KRT32: variants seen among roughly 807,000 people sequenced by gnomAD.
The protein encoded by KRT32 is keratin 32.
A neutral mutation model predicts 41.8 loss-of-function variants in KRT32; 44 were observed. That is an observed-to-expected ratio of 1.05 (90% CI 0.83 to 1.35). KRT32 has a LOEUF of 1.35. Ranked by LOEUF, KRT32 falls within the 40% of genes most tolerant of loss-of-function variation. The probability of loss-of-function intolerance (pLI) is 0.00; values close to 1 mark genes in which losing one functional copy is unlikely to be tolerated. For synonymous variants in KRT32, 238 were observed against 242.5 expected (o/e 0.98, Z 0.17); for missense variants, 576 against 584.6 (o/e 0.99, Z 0.15).
intron 1 of KRT32, 110 bp downstream of exon 1, chr17:41,466,748 A>T: frequency 1.3e-6 from 1 of 742,670 alleles, no homozygotes; most frequent in East Asian, 2.6e-5. Flanking sequence ...GCCCTAGGGA[A>T]GTCTCTTTGT....
chr17:41,466,084 C>CT lies in KRT32; in HGVS notation c.551+9dup. On this transcript the variant is annotated intron_variant, in intron 2 of 6. Transcript: ENST00000225899. ...GTCCTCCCCAGCTCCAGCCCCCCGA[C>CT]TGAACTCACTTGGCCCTGAAGTCAT... The CT allele has an allele frequency of 1.2e-6, 2 of 1,614,014 alleles. No homozygotes were observed. Among genetic ancestry groups the CT allele is most frequent in the Non-Finnish European group, 1.7e-6 (2 of 1,179,888 alleles).
At chr17:41,466,282 G>A in intron 1 of KRT32, 106 bp from the exon 2 acceptor site, 2 of 842,990 alleles carry the variant, frequency 2.4e-6, no homozygotes, top group East Asian at 2.6e-5. Context: ...CAGCCCTGCA[G>A]CCATCCCTGC....
chr17:41,464,179 C>T lies in KRT32; in HGVS notation c.895G>A (p.Ala299Thr), dbSNP rs772651872. The change falls in exon 5 of 7, where the codon GCC becomes ACC. Residue 299 changes from alanine (A) to threonine (T), a missense_variant. Ala to Thr is a moderately conservative substitution (Grantham distance 58). Coordinates refer to ENST00000225899, the MANE Select transcript of KRT32 (RefSeq NM_002278.3). ...MQMEELNQQV[A>T]TSSEQLQNYQ... ...TTCTGAAGCTGCTCAGAGCTTGTGG[C>T]CACCTGTTGGTTAAGCTCCTCCATC... The T allele has an allele frequency of 1.1e-5, 17 of 1,610,138 alleles. No homozygotes were observed. Among genetic ancestry groups the T allele is most frequent in the Admixed American group, 5.0e-5 (3 of 59,598 alleles).
rs1287041167 is a variant in KRT32 at position 41,459,926 on chromosome 17, A to G, written c.*184T>C. On this transcript the variant is annotated 3_prime_UTR_variant, in exon 7 of 7. Coordinates refer to ENST00000225899, the MANE Select transcript of KRT32 (RefSeq NM_002278.3). ...AGAGAACAGTTCACCCATGGAAAAA[A>G]GAGGCAGTTTTGAAGTGATGAGGGC... is the stretch of plus-strand genomic sequence containing the variant. The G allele has an allele frequency of 1.8e-5, 10 of 553,786 alleles. No homozygotes were observed. The East Asian group carries it at 3.5e-4, about 19-fold the overall frequency. The allele number at this position is 553,786 out of a possible 1,614,324, so 34.3% of individuals were successfully genotyped here.
Position 41,465,629 on chromosome 17 carries a change from C to G in KRT32, c.708+144G>C, listed in dbSNP as rs1203108969. 3 of 722,244 alleles carry G rather than the reference C, an allele frequency of 4.2e-6. No homozygotes were observed. The East Asian group carries it at 8.1e-5, about 20-fold the overall frequency. The allele number at this position is 722,244 out of a possible 1,614,324, so 44.7% of individuals were successfully genotyped here. On this transcript the variant is annotated intron_variant, in intron 3 of 6. Transcript: ENST00000225899. ...TCCCCATTTTACAGAAGAGGAGGCTCAGGAAGATTCCATAAATTGGGCAAA... is the reference window on the plus strand; with the variant it reads ...TCCCCATTTTACAGAAGAGGAGGCTGAGGAAGATTCCATAAATTGGGCAAA...
chr17:41,460,212 A>C lies in KRT32; in HGVS notation c.1245T>G (p.Pro415=), dbSNP rs1344154397. 1 of 1,608,248 alleles carries C rather than the reference A, an allele frequency of 6.2e-7. No individual in the cohort carries two copies. Among genetic ancestry groups the C allele is most frequent in the Non-Finnish European group, 8.5e-7 (1 of 1,177,216 alleles). The part of the protein sequence containing the change: ...CKLPCNPCST[P]SCTTCVPSPC... ...GGGAGGGCACACAGGTGGTGCAGGA[A>C]GGAGTGGAGCATGGGTTACAGGGCA... Residue 415 remains proline, a synonymous_variant, in exon 7 of 7, where the codon CCT becomes CCG. Transcript: ENST00000225899.
At chr17:41,464,522 T>C in intron 3 of KRT32, 79 bp from the exon 4 acceptor site, 1 of 1,373,310 alleles carries the variant, frequency 7.3e-7, no homozygotes, top group South Asian at 1.5e-5. Context: ...CATGAAAAGA[T>C]GCAACAAAAG....
In KRT32 at chr17:41,462,997, C is replaced by T; in HGVS notation, c.1050G>A (p.Gln350=). ...LTESEARYSS[Q]LAQMQCMITN... is the part of the protein sequence containing the mutation. The stretch of plus-strand genomic sequence containing the variant: ...TGATCATGCACTGCATCTGGGCCAG[C>T]TGGGAGCTGTAGCGGGCCTCACTCT... Residue 350 remains glutamine (Q), a synonymous_variant, in exon 6 of 7, where the codon CAG becomes CAA. Coordinates refer to ENST00000225899, the MANE Select transcript of KRT32 (RefSeq NM_002278.3). The T allele has an allele frequency of 6.2e-7, 1 of 1,614,134 alleles. No homozygotes were observed. Among genetic ancestry groups the T allele is most frequent in the Non-Finnish European group, 8.5e-7 (1 of 1,179,986 alleles).
chr17:41,464,814 C>T (rs75582904), intron 3 of KRT32, among the ~76,000 whole-genome samples: 3,169 of 152,250 alleles, frequency 0.021, 118 homozygotes, highest in African/African-American at 0.071. Context: ...GTTAAAGGCC[C>T]GAGTTAGGGC....
chr17:41,464,999 A>G (rs2019050955), intron 3 of KRT32, among the ~76,000 whole-genome samples: 1 of 152,240 alleles, frequency 6.6e-6, no homozygotes, highest in South Asian at 2.1e-4. Flanking sequence ...TTGTTACTTT[A>G]CACTTAAGCC....
intron 3 of KRT32, 27 bp downstream of exon 3, chr17:41,465,746 C>G: frequency 6.3e-7 from 1 of 1,594,208 alleles, no homozygotes; most frequent in South Asian, 1.1e-5. Flanking sequence ...CTTCCCGGGG[C>G]CACTTCAGCG....
Position 41,464,361 on chromosome 17 carries a change from A to C in KRT32, c.791T>G (p.Val264Gly). 1 of 1,612,536 alleles carries C rather than the reference A, an allele frequency of 6.2e-7. No individual in the cohort carries two copies. The highest frequency in any genetic ancestry group is 8.5e-7 in the Non-Finnish European group (1 of 1,179,156). The stretch of plus-strand genomic sequence containing the variant: ...GTACTGACACCGCATCTCCTCCAGC[A>C]CCCTGGTCAGGTCCACCGGGGGTGC... ...DAAPPVDLTR[V>G]LEEMRCQYEA... The change falls in exon 4 of 7, where the codon GTG becomes GGG. Residue 264 changes from valine (V) to glycine (G), a missense_variant. Transcript: ENST00000225899.
Position 41,467,105 on chromosome 17 carries a change from G to C in KRT32, c.221C>G (p.Ala74Gly). The change falls in exon 1 of 7, where the codon GCC becomes GGC. Residue 74 changes from alanine (A) to glycine (G), a missense_variant. Transcript: ENST00000225899. ...KTYLSSSCQA[A>G]SGISGSMGPG... ...GCCCATGGAGCCGGAGATGCCACTG[G>C]CTGCCTGGCAGGAACTGGATAGATA... 3 of 1,614,224 alleles carry C rather than the reference G, an allele frequency of 1.9e-6. No homozygotes were observed. Among genetic ancestry groups the C allele is most frequent in the Admixed American group, 3.3e-5 (2 of 60,036 alleles).
intron 5 of KRT32, 29 bp downstream of exon 5, chr17:41,464,049 G>T: frequency 6.5e-7 from 1 of 1,543,160 alleles, no homozygotes; most frequent in Non-Finnish European, 8.7e-7. Flanking sequence ...AGGATCCGGA[G>T]GGATGGGTGC....
chr17:41,466,237 A>G, intron 1 of KRT32, 61 bp from the exon 2 acceptor site: 2 of 1,394,598 alleles, frequency 1.4e-6, no homozygotes, highest in Non-Finnish European at 2.0e-6. Flanking sequence ...GAAGAACCCA[A>G]ATGAAGAGAA....
At position 41,460,176 on chromosome 17, in the gene KRT32, G is replaced by A. The variant is rs769232056; in HGVS notation, c.1281C>T (p.Pro427=). The stretch of plus-strand genomic sequence containing the variant: ...CAGTGCGTGGCACACAGACGGTGCG[G>A]GGCACGCATGGGGAGGGCACACAGG... ...CTTCVPSPCV[P]RTVCVPRTVG... Residue 427 remains proline, a synonymous_variant, in exon 7 of 7, where the codon CCC becomes CCT. Transcript: ENST00000225899. The A allele has an allele frequency of 6.2e-7, 1 of 1,613,174 alleles. No individual in the cohort carries two copies. Among genetic ancestry groups the A allele is most frequent in the Non-Finnish European group, 8.5e-7 (1 of 1,179,524 alleles).
In KRT32 at chr17:41,464,352, T is replaced by C. The variant is rs1464933705; in HGVS notation, c.800A>G (p.Glu267Gly). 1.2e-6 allele frequency: 2 copies of C among 1,612,268 alleles called. No homozygotes were observed. The highest frequency in any genetic ancestry group is 2.2e-5 in the South Asian group (2 of 90,902). Residue 267 changes from glutamate (E) to glycine (G), a missense_variant, in exon 4 of 7, where the codon GAG becomes GGG. Transcript: ENST00000225899. ...CATGGCCTCGTACTGACACCGCATC[T>C]CCTCCAGCACCCTGGTCAGGTCCAC... The part of the protein sequence containing the change: ...PPVDLTRVLE[E>G]MRCQYEAMVE...
intron 4 of KRT32, 32 bp downstream of exon 4, chr17:41,464,250 G>A (rs769005536): frequency 2.3e-5 from 37 of 1,585,852 alleles, no homozygotes; most frequent in Non-Finnish European, 3.1e-5. Flanking sequence ...CTAGGGATAT[G>A]GAGGAGGCCA....
chr17:41,460,351 T>G, intron 6 of KRT32, 112 bp from the exon 7 acceptor site: 2 of 1,339,256 alleles, frequency 1.5e-6, no homozygotes, highest in South Asian at 1.3e-5. Context: ...GTGCTTTCTC[T>G]GCCCAGCCTC....
Sources: allele counts gnomAD v4.1 joint callset (sites outside exome capture counted in the v4.1 genomes callset), GRCh38; gene constraint gnomAD v4.1.1; transcripts MANE v1.5; gene names NCBI Gene and HGNC (gene_info 2026-07-23, HGNC 2026-07-21).